CLMN: variants seen among roughly 807,000 people sequenced by gnomAD.
The protein encoded by CLMN is calmin (calponin-like, transmembrane).
A neutral mutation model predicts 92.7 loss-of-function variants in CLMN; 57 were observed. The observed-to-expected ratio is 0.61, with a 90% CI of 0.50 to 0.77. The LOEUF is 0.77. CLMN is among the 30% of genes least tolerant of loss of function. The probability of loss-of-function intolerance (pLI) is 0.00; values close to 1 mark genes in which losing one functional copy is unlikely to be tolerated. For missense variants in CLMN, 1,158 were observed against 1,237.5 expected, an observed-to-expected ratio of 0.94 and a Z score of 0.96; for synonymous variants, 466 against 470.6, an observed-to-expected ratio of 0.99 and a Z score of 0.13.
In CLMN at chr14:95,318,307, A is replaced by G. The variant is rs145321421; in HGVS notation, c.82+1404T>C. Among the ~76,000 whole-genome samples the G allele has an allele frequency of 2.0e-5, 3 of 152,294 alleles. No individual in the cohort carries two copies. In the East Asian group the frequency reaches 5.8e-4, roughly 29 times the overall value. On this transcript the variant is annotated intron_variant, in intron 1 of 12. Transcript: ENST00000298912. ...GATCCAGGCACTTGGCTTATTATCA[A>G]AAGAGATCACTTTCAACATCCCAGC...
At chr14:95,247,286 G>T (rs1898609299) in intron 1 of CLMN, among the ~76,000 whole-genome samples, 1 of 152,174 alleles carries the variant, frequency 6.6e-6, no homozygotes, top group Non-Finnish European at 1.5e-5. Flanking sequence ...CCTAGGTTCA[G>T]GTATCCAGGG....
At position 95,191,392 on chromosome 14, in the gene CLMN, A is replaced by T. The variant is rs2140554391; in HGVS notation, c.*172T>A. On this transcript the variant is annotated 3_prime_UTR_variant, in exon 13 of 13. Transcript: ENST00000298912. The surrounding 1 kb of genome is among the most constrained non-coding windows in gnomAD (Gnocchi z 5.3). ...AAAAGCATGCTCAGGTTGTCCAGAA[A>T]AAAAAGGAAACCTGAAAAAAAAAAA... 1 of 468,518 alleles carries T rather than the reference A, an allele frequency of 2.1e-6. No individual in the cohort carries two copies. Among genetic ancestry groups the T allele is most frequent in the South Asian group, 4.4e-5 (1 of 22,676 alleles). 29.0% of individuals were successfully genotyped at this position (468,518 alleles called of 1,614,324 possible).
chr14:95,243,408 G>A (rs1334850094), intron 1 of CLMN, among the ~76,000 whole-genome samples: 1 of 152,120 alleles, frequency 6.6e-6, no homozygotes, highest in Non-Finnish European at 1.5e-5. Flanking sequence ...AGCCCTACTT[G>A]AATTTTCTCC....
chr14:95,245,490 G>A (rs899602568), intron 1 of CLMN, among the ~76,000 whole-genome samples: 1 of 149,888 alleles, frequency 6.7e-6, no homozygotes, highest in African/African-American at 2.5e-5. Context: ...ATGGATGGAT[G>A]GATGGATAGG....
intron 1 of CLMN, among the ~76,000 whole-genome samples, chr14:95,261,818 GC>G (rs1040649488): frequency 6.6e-5 from 10 of 152,174 alleles, no homozygotes; most frequent in Non-Finnish European, 1.2e-4. Flanking sequence ...CACAGCCCAT[GC>G]CCCCCTGCAG....
At chr14:95,269,340 C>A (rs911157680) in intron 1 of CLMN, among the ~76,000 whole-genome samples, 1 of 151,612 alleles carries the variant, frequency 6.6e-6, no homozygotes, top group African/African-American at 2.4e-5. Flanking sequence ...TGTAAAATAT[C>A]TTTATGTATT....
chr14:95,252,606 A>G (rs919907230), intron 1 of CLMN, among the ~76,000 whole-genome samples: 6 of 152,202 alleles, frequency 3.9e-5, no homozygotes, highest in African/African-American at 1.4e-4. Context: ...GCTACACCCA[A>G]CAGGCTTAGG....
chr14:95,303,413 G>A (rs767882312), intron 1 of CLMN, among the ~76,000 whole-genome samples: 5 of 152,284 alleles, frequency 3.3e-5, no homozygotes, highest in African/African-American at 4.8e-5. Context: ...CCCCTGCCAC[G>A]CCAAGCTCAG....
intron 1 of CLMN, among the ~76,000 whole-genome samples, chr14:95,245,208 T>TAA (rs1446680726): frequency 0.11 from 2,217 of 19,594 alleles, 211 homozygotes; most frequent in Non-Finnish European, 0.14. Context: ...TATATATATA[T>TAA]TATATATATA....
chr14:95,268,950 C>T (rs1007650847), intron 1 of CLMN, among the ~76,000 whole-genome samples: 4 of 151,648 alleles, frequency 2.6e-5, no homozygotes, highest in East Asian at 1.9e-4. Context: ...ACTACAGGCA[C>T]GTGCCACCAT....
intron 12 of CLMN, 51 bp downstream of exon 12, chr14:95,193,798 G>A (rs770971808): frequency 6.2e-7 from 1 of 1,608,114 alleles, no homozygotes; most frequent in Non-Finnish European, 8.5e-7. Context: ...GCTGCAGAAT[G>A]TAAAAACATT....
At chr14:95,221,216 G>A (rs1422109522) in intron 4 of CLMN, among the ~76,000 whole-genome samples, 1 of 152,174 alleles carries the variant, frequency 6.6e-6, no homozygotes, top group Non-Finnish European at 1.5e-5. Flanking sequence ...TCCAGGCACA[G>A]AAAAAGATCA....
chr14:95,308,852 T>C (rs967322044), intron 1 of CLMN, among the ~76,000 whole-genome samples: 1 of 152,228 alleles, frequency 6.6e-6, no homozygotes, highest in East Asian at 1.9e-4. Flanking sequence ...ATGGGGGACC[T>C]TTTTCAGCTG....
chr14:95,184,896 G>A lies in CLMN; in HGVS notation c.*6668C>T, dbSNP rs1423646253. The A allele has an allele frequency of 6.6e-6, 1 of 152,408 alleles. No individual in the cohort carries two copies. The highest frequency in any genetic ancestry group is 1.5e-5 in the Non-Finnish European group (1 of 68,252). 9.4% of individuals were successfully genotyped at this position (152,408 alleles called of 1,614,324 possible). Reference sequence around the variant, plus strand: ...GGCCAAGGCAGGAGGATCACTTGAGGCCAGGAGTTCGAGACCAGCCTGAGC... The same window carrying A: ...GGCCAAGGCAGGAGGATCACTTGAGACCAGGAGTTCGAGACCAGCCTGAGC... On this transcript the variant is annotated 3_prime_UTR_variant, in exon 13 of 13. Coordinates refer to ENST00000298912, the MANE Select transcript of CLMN (RefSeq NM_024734.4).
rs765476394 is a variant in CLMN, at chr14:95,194,629, C to T, written c.2709-33G>A. The T allele has an allele frequency of 1.2e-6, 2 of 1,605,292 alleles. No individual in the cohort carries two copies. Among genetic ancestry groups the T allele is most frequent in the East Asian group, 2.2e-5 (1 of 44,828 alleles). The stretch of plus-strand genomic sequence containing the variant: ...ACAAACACATGTTTTGAATTGGTAC[C>T]ACCTGGAGCTCTTCATGGCTCAGTT... On this transcript the variant is annotated intron_variant, in intron 10 of 12. Coordinates refer to ENST00000298912, the MANE Select transcript of CLMN (RefSeq NM_024734.4). This position sits in a 1 kb window ranked among gnomAD's most constrained non-coding sequence, Gnocchi z 4.0.
rs569027025 is a variant in CLMN at position 95,200,402 on chromosome 14, C to T, written c.2511+2436G>A. On this transcript the variant is annotated intron_variant, in intron 9 of 12. Transcript: ENST00000298912. ...TGGCAGTGCCAGATGCATCGCTTTC[C>T]ATGGGGTTGGATGAGTAAGCAGGTG... Among the ~76,000 whole-genome samples the T allele has an allele frequency of 2.0e-5, 3 of 152,296 alleles. No individual in the cohort carries two copies. The East Asian group carries it at 5.8e-4, about 29-fold the overall frequency.
At chr14:95,210,548 T>C (rs1369568933) in intron 7 of CLMN, 138 bp downstream of exon 7, 2 of 753,800 alleles carry the variant, frequency 2.7e-6, no homozygotes, top group South Asian at 1.8e-5. Flanking sequence ...AATATCCATA[T>C]GATCTGAGTG....
chr14:95,248,105 G>A (rs2140672325), intron 1 of CLMN, among the ~76,000 whole-genome samples: 1 of 148,316 alleles, frequency 6.7e-6, no homozygotes, highest in East Asian at 2.0e-4. Context: ...TAAGCAAACT[G>A]CAAATGAAAA....
rs1896403391 is a variant in CLMN at position 95,184,806 on chromosome 14, CT to C, written c.*6757del. On this transcript the variant is annotated 3_prime_UTR_variant, in exon 13 of 13. Transcript: ENST00000298912. ...CAAGACCTGAAGGTCCTGTAGGACTCTTAAGAAAAATCAGAGTGAAGGCCAG... is the reference window on the plus strand; with the variant it reads ...CAAGACCTGAAGGTCCTGTAGGACTCTAAGAAAAATCAGAGTGAAGGCCAG... The C allele has an allele frequency of 6.6e-6, 1 of 152,248 alleles. No individual in the cohort carries two copies. The highest frequency in any genetic ancestry group is 2.1e-4 in the South Asian group (1 of 4,832). 9.4% of individuals were successfully genotyped at this position (152,248 alleles called of 1,614,324 possible). A position where few individuals can be genotyped will look rare whatever the true frequency, so the allele number is the denominator to read the frequency against.
Sources: gnomAD v4.1 joint callset for allele counts (sites outside exome capture counted in the v4.1 genomes callset) on GRCh38, gnomAD v4.1.1 for gene constraint, Gnocchi (gnomAD v3.1) non-coding constraint, MANE v1.5 for transcripts, NCBI Gene and HGNC (gene_info 2026-07-23, HGNC 2026-07-21) for gene names.